Variants in PLCB1 observed in about 807,000 individuals in gnomAD.
PLCB1 encodes the protein phospholipase C beta 1, also known as 1-phosphatidylinositol 4,5-bisphosphate phosphodiesterase beta-1.
A neutral mutation model predicts 161.8 loss-of-function variants in PLCB1; 46 were observed. That is an observed-to-expected ratio of 0.28 (90% CI 0.22 to 0.36). The LOEUF (loss-of-function observed/expected upper bound fraction) is 0.36, where lower values mean the gene tolerates loss of function less well. PLCB1 is among the 10% of genes least tolerant of loss of function. PLCB1 has a pLI of 1.00. For synonymous variants in PLCB1, 517 were observed against 503.7 expected, an observed-to-expected ratio of 1.03 and a Z score of -0.35; for missense variants, 1,016 against 1,472.5, an observed-to-expected ratio of 0.69 and a Z score of 5.07.
chr20:8,176,322 T>C (rs1468164757), intron 2 of PLCB1, among the ~76,000 whole-genome samples: 2 of 152,138 alleles, frequency 1.3e-5, no homozygotes, highest in Non-Finnish European at 1.5e-5. Context: ...TAAAAAGCAA[T>C]GAACTATTGG....
chr20:8,417,050 C>CATATATATAT (rs1568667912), intron 3 of PLCB1, among the ~76,000 whole-genome samples: 3 of 54,346 alleles, frequency 5.5e-5, no homozygotes, highest in African/African-American at 2.1e-4. Flanking sequence ...CACACACACA[C>CATATATATAT]ACACATATAT....
intron 1 of PLCB1, among the ~76,000 whole-genome samples, chr20:8,139,246 C>T (rs544145832): frequency 8.6e-4 from 130 of 151,932 alleles, no homozygotes; most frequent in Middle Eastern, 6.8e-3. Context: ...GCCACCATGC[C>T]CAGCTAATTT....
chr20:8,753,856 G>C (rs1981603859), intron 23 of PLCB1, among the ~76,000 whole-genome samples: 1 of 152,182 alleles, frequency 6.6e-6, no homozygotes, highest in African/African-American at 2.4e-5. Context: ...TCTCTCTCCT[G>C]CTCTGGACAT....
chr20:8,651,272 A>G, intron 7 of PLCB1: 2 of 577,328 alleles, frequency 3.5e-6, no homozygotes, highest in Non-Finnish European at 6.2e-6. Flanking sequence ...ATTGAATTAT[A>G]AAAGTATTGA....
intron 25 of PLCB1, among the ~76,000 whole-genome samples, chr20:8,762,196 G>A (rs1341763794): frequency 1.3e-5 from 2 of 152,062 alleles, no homozygotes; most frequent in African/African-American, 4.8e-5. Flanking sequence ...GGCAACAAGC[G>A]CGAAACTCTG....
At chr20:8,311,396 T>C (rs2123337780) in intron 2 of PLCB1, among the ~76,000 whole-genome samples, 1 of 152,346 alleles carries the variant, frequency 6.6e-6, no homozygotes, top group Non-Finnish European at 1.5e-5. Context: ...TCTAGAGCCA[T>C]GTGGGAAGAT....
intron 31 of PLCB1, among the ~76,000 whole-genome samples, chr20:8,823,323 A>G (rs1005829346): frequency 1.3e-5 from 2 of 152,064 alleles, no homozygotes; most frequent in African/African-American, 4.8e-5. Flanking sequence ...GGGTTTCACC[A>G]TGTTGGCCAG....
At chr20:8,636,875 G>A (rs6108163) in intron 4 of PLCB1, among the ~76,000 whole-genome samples, 28,295 of 152,138 alleles carry the variant, frequency 0.19, 2,893 homozygotes, top group Admixed American at 0.3. Context: ...AACTGCATCA[G>A]CAATAGCATC....
At chr20:8,399,170 A>G (rs1396877745) in intron 3 of PLCB1, among the ~76,000 whole-genome samples, 1 of 150,700 alleles carries the variant, frequency 6.6e-6, no homozygotes, top group Non-Finnish European at 1.5e-5. Context: ...GTCATGAGGT[A>G]TGAACCCAAT....
At chr20:8,466,728 A>C (rs1443000082) in intron 3 of PLCB1, among the ~76,000 whole-genome samples, 1 of 152,090 alleles carries the variant, frequency 6.6e-6, no homozygotes, top group African/African-American at 2.4e-5. Context: ...GAGCTCCGTA[A>C]AATTTTTTGG....
At chr20:8,739,630 G>C (rs982148392) in intron 21 of PLCB1, among the ~76,000 whole-genome samples, 1 of 152,174 alleles carries the variant, frequency 6.6e-6, no homozygotes, top group African/African-American at 2.4e-5. Context: ...GGGTTGGCCG[G>C]GTTTGGCTAA....
At chr20:8,397,161 C>T (rs1257319094) in intron 3 of PLCB1, among the ~76,000 whole-genome samples, 1 of 151,982 alleles carries the variant, frequency 6.6e-6, no homozygotes, top group East Asian at 1.9e-4. Flanking sequence ...GTATTCACTT[C>T]TTTGTCATAG....
intron 31 of PLCB1, among the ~76,000 whole-genome samples, chr20:8,810,222 T>C (rs1208988018): frequency 6.6e-6 from 1 of 152,084 alleles, no homozygotes; most frequent in Non-Finnish European, 1.5e-5. Context: ...AAAACTACAA[T>C]TATGTCACAC....
intron 3 of PLCB1, among the ~76,000 whole-genome samples, chr20:8,489,385 T>G (rs1313648910): frequency 6.6e-6 from 1 of 152,156 alleles, no homozygotes; most frequent in South Asian, 2.1e-4. Context: ...AGGTGAGTAT[T>G]GCATAACTAA....
chr20:8,447,049 T>A (rs1980867501), intron 3 of PLCB1, among the ~76,000 whole-genome samples: 1 of 152,198 alleles, frequency 6.6e-6, no homozygotes, highest in African/African-American at 2.4e-5. Flanking sequence ...TGTATAAATA[T>A]ACATATACTG....
chr20:8,505,814 T>C (rs2122830275), intron 3 of PLCB1, among the ~76,000 whole-genome samples: 1 of 152,314 alleles, frequency 6.6e-6, no homozygotes, highest in South Asian at 2.1e-4. Flanking sequence ...AGAAACAAGT[T>C]GGCCTTTAAG....
At chr20:8,515,158 T>C (rs1015868528) in intron 3 of PLCB1, among the ~76,000 whole-genome samples, 4 of 152,216 alleles carry the variant, frequency 2.6e-5, no homozygotes, top group African/African-American at 9.6e-5. Flanking sequence ...GAATTTTCAA[T>C]ATATTCAGCC....
intron 2 of PLCB1, among the ~76,000 whole-genome samples, chr20:8,341,986 C>A (rs1252854474): frequency 6.6e-6 from 1 of 151,434 alleles, no homozygotes; most frequent in Non-Finnish European, 1.5e-5. Context: ...TGATATAAAT[C>A]ATTGACAGAA....
intron 3 of PLCB1, among the ~76,000 whole-genome samples, chr20:8,607,186 A>G (rs924683896): frequency 1.3e-5 from 2 of 152,010 alleles, no homozygotes; most frequent in Admixed American, 6.6e-5. Flanking sequence ...ATTACATCCA[A>G]CGCATCCACT....
Sources: allele counts gnomAD v4.1 joint callset (sites outside exome capture counted in the v4.1 genomes callset), GRCh38; gene constraint gnomAD v4.1.1; transcripts MANE v1.5; gene names NCBI Gene and HGNC (gene_info 2026-07-23, HGNC 2026-07-21).